Variants in CNTN3 observed in about 807,000 individuals in gnomAD.
CNTN3 encodes the protein contactin 3, also known as contactin-3.
In CNTN3, 60 loss-of-function variants were observed where a neutral mutation model predicts 119.1. The ratio of observed to expected loss-of-function variants is 0.50; its 90% CI spans 0.41 to 0.62. The LOEUF (loss-of-function observed/expected upper bound fraction) is 0.62, where lower values mean the gene tolerates loss of function less well. Among genes scored for constraint, CNTN3 ranks in the 20% least tolerant of loss-of-function variants. The pLI, the probability that CNTN3 is intolerant of heterozygous loss-of-function variation, is 0.00. For missense variants in CNTN3, 1,101 were observed against 1,242.4 expected, an observed-to-expected ratio of 0.89 and a Z score of 1.71; for synonymous variants, 450 against 438.7, an observed-to-expected ratio of 1.03 and a Z score of -0.32.
chr3:74,471,276 T>A (rs1702556968), intron 4 of CNTN3, among the ~76,000 whole-genome samples: 1 of 152,082 alleles, frequency 6.6e-6, no homozygotes, highest in African/African-American at 2.4e-5. Context: ...CAAACCACCA[T>A]GGCACGTGTA....
At chr3:74,370,364 C>T (rs896273260) in intron 6 of CNTN3, among the ~76,000 whole-genome samples, 1 of 152,096 alleles carries the variant, frequency 6.6e-6, no homozygotes, top group Non-Finnish European at 1.5e-5. Context: ...CTTTACATTA[C>T]ACAAAATGGG....
Position 74,285,445 on chromosome 3 carries a change from A to G in CNTN3, c.2564T>C (p.Met855Thr). The G allele has an allele frequency of 6.2e-7, 1 of 1,612,802 alleles. No homozygotes were observed. Among genetic ancestry groups the G allele is most frequent in the East Asian group, 2.2e-5 (1 of 44,674 alleles). ...TGATGTCTCATTTCCTGCCACTTTC[A>G]TCTTACTGGATGATTCCTCCTTTCC... ...GGGKEESSSK[M>T]KVAGNETSAR... Residue 855 changes from methionine (M) to threonine (T), a missense_variant, in exon 20 of 23, where the codon ATG becomes ACG. By Grantham distance (81) the Met-to-Thr change is moderately conservative (BLOSUM62 -1). Coordinates refer to ENST00000263665, the MANE Select transcript of CNTN3 (RefSeq NM_020872.3).
chr3:74,420,003 A>T (rs1701591621), intron 5 of CNTN3, among the ~76,000 whole-genome samples: 1 of 152,240 alleles, frequency 6.6e-6, no homozygotes. Flanking sequence ...CAGGTGATGC[A>T]TGTCCAGTCT....
chr3:74,439,278 A>G (rs1701921599), intron 4 of CNTN3, among the ~76,000 whole-genome samples: 1 of 152,100 alleles, frequency 6.6e-6, no homozygotes. Flanking sequence ...AGGCCAAGGT[A>G]GGCAGATCAC....
intron 1 of CNTN3, among the ~76,000 whole-genome samples, chr3:74,588,523 A>C (rs1469060690): frequency 6.6e-6 from 1 of 152,072 alleles, no homozygotes; most frequent in African/African-American, 2.4e-5. Flanking sequence ...GAAAATGGCC[A>C]TACTGCCCAA....
At chr3:74,361,668 CTA>C (rs1218954559) in intron 11 of CNTN3, among the ~76,000 whole-genome samples, 2 of 152,108 alleles carry the variant, frequency 1.3e-5, no homozygotes, top group Non-Finnish European at 2.9e-5. Flanking sequence ...AGAAAGTACT[CTA>C]TGTGGGAAGA....
At chr3:74,335,612 C>T (rs569428359) in intron 12 of CNTN3, among the ~76,000 whole-genome samples, 34 of 152,210 alleles carry the variant, frequency 2.2e-4, no homozygotes, top group African/African-American at 7.2e-4. Context: ...AGTCAATTCC[C>T]TCTTTAACTC....
chr3:74,420,814 G>T (rs1364948599), intron 5 of CNTN3, among the ~76,000 whole-genome samples: 2 of 152,136 alleles, frequency 1.3e-5, no homozygotes, highest in African/African-American at 4.8e-5. Context: ...TGTGATTTTA[G>T]GTTGGCTGCC....
At chr3:74,584,189 CAATG>C (rs1704558002) in intron 1 of CNTN3, among the ~76,000 whole-genome samples, 1 of 152,118 alleles carries the variant, frequency 6.6e-6, no homozygotes, top group African/African-American at 2.4e-5. Flanking sequence ...TTCTACAACA[CAATG>C]AATTTTGCAT....
At chr3:74,308,175 A>G (rs932926621) in intron 13 of CNTN3, among the ~76,000 whole-genome samples, 3 of 152,214 alleles carry the variant, frequency 2.0e-5, no homozygotes, top group African/African-American at 7.2e-5. Flanking sequence ...TGCCCCCACC[A>G]ATGCCAAATG....
chr3:74,400,558 T>C (rs1404256521), intron 5 of CNTN3, among the ~76,000 whole-genome samples: 5 of 152,218 alleles, frequency 3.3e-5, no homozygotes, highest in Admixed American at 2.0e-4. Context: ...CAGGCCATTA[T>C]GAAAATCATT....
At chr3:74,407,435 A>ATTT (rs372596619) in intron 5 of CNTN3, among the ~76,000 whole-genome samples, 5,953 of 136,450 alleles carry the variant, frequency 0.044, 320 homozygotes, top group African/African-American at 0.13. Context: ...CGCCTGGCTA[A>ATTT]TTTTTTTTTT....
chr3:74,593,757 T>C (rs932394529), intron 1 of CNTN3, among the ~76,000 whole-genome samples: 10 of 151,956 alleles, frequency 6.6e-5, no homozygotes, highest in African/African-American at 2.2e-4. Flanking sequence ...ATGGGATAAA[T>C]ATTAGCTGCT....
chr3:74,490,025 G>T (rs1343783555), intron 3 of CNTN3, among the ~76,000 whole-genome samples: 2 of 152,048 alleles, frequency 1.3e-5, no homozygotes, highest in South Asian at 2.1e-4. Flanking sequence ...TTCTATGTTC[G>T]ATTGAATGCT....
chr3:74,598,735 T>G (rs1001588471), intron 1 of CNTN3, among the ~76,000 whole-genome samples: 2 of 152,072 alleles, frequency 1.3e-5, no homozygotes, highest in Non-Finnish European at 1.5e-5. Flanking sequence ...ATAACATTAA[T>G]TCTAGTAATA....
intron 1 of CNTN3, among the ~76,000 whole-genome samples, chr3:74,562,546 G>C (rs1704168051): frequency 6.6e-6 from 1 of 152,082 alleles, no homozygotes; most frequent in South Asian, 2.1e-4. Context: ...AACTCAAAAG[G>C]GAAAACGAGA....
chr3:74,557,800 C>T (rs918722745), intron 1 of CNTN3, among the ~76,000 whole-genome samples: 14 of 151,354 alleles, frequency 9.2e-5, no homozygotes, highest in Admixed American at 2.0e-4. Context: ...GAAATAGTAA[C>T]TGTCCATTTC....
At chr3:74,426,266 C>T (rs1318991559) in intron 4 of CNTN3, among the ~76,000 whole-genome samples, 1 of 152,154 alleles carries the variant, frequency 6.6e-6, no homozygotes, top group African/African-American at 2.4e-5. Context: ...GTGTCACTTT[C>T]TGTATCAGAA....
intron 22 of CNTN3, among the ~76,000 whole-genome samples, chr3:74,265,171 T>A (rs1439587252): frequency 6.6e-6 from 1 of 152,136 alleles, no homozygotes; most frequent in Non-Finnish European, 1.5e-5. Flanking sequence ...AAACATAATC[T>A]TTTTAAAAGG....
Sources: allele counts gnomAD v4.1 joint callset (sites outside exome capture counted in the v4.1 genomes callset), GRCh38; gene constraint gnomAD v4.1.1; transcripts MANE v1.5; gene names NCBI Gene and HGNC (gene_info 2026-07-23, HGNC 2026-07-21).